Variants in DHRS12 observed in about 807,000 individuals in gnomAD.
DHRS12 encodes the protein dehydrogenase/reductase 12.
In DHRS12, 29 loss-of-function variants were observed where a neutral mutation model predicts 32.1. That is an observed-to-expected ratio of 0.90 (90% CI 0.67 to 1.23). The LOEUF is 1.23. Among genes scored for constraint, DHRS12 ranks in the 50% most tolerant of loss-of-function variants. The pLI is 0.00. For synonymous variants in DHRS12, 150 were observed against 135.9 expected (o/e 1.10, Z -0.72); for missense variants, 330 against 337.2 (o/e 0.98, Z 0.17).
intron 4 of DHRS12, among the ~76,000 whole-genome samples, chr13:51,780,760 C>T (rs899144421): frequency 5.3e-5 from 8 of 152,126 alleles, no homozygotes; most frequent in African/African-American, 1.2e-4. Context: ...TAGAGCACTG[C>T]GAAACCCATG....
intron 7 of DHRS12, 70 bp from the exon 8 acceptor site, chr13:51,769,363 TAAAAA>T (rs11374211): frequency 2.0e-6 from 2 of 1,013,678 alleles, no homozygotes; most frequent in Non-Finnish European, 2.7e-6. Flanking sequence ...TCCCTTAATT[TAAAAA>T]AAAAAAAAAG....
At chr13:51,768,662 C>A (rs886822662) in intron 8 of DHRS12, 12 of 1,134,298 alleles carry the variant, frequency 1.1e-5, no homozygotes, top group African/African-American at 1.6e-5. Flanking sequence ...AAGAGCCTGG[C>A]TTCCACCCGA....
chr13:51,756,706 C>T, the DHRS12 span: 1 of 943,950 alleles, frequency 1.1e-6, no homozygotes, highest in Non-Finnish European at 1.3e-6. Flanking sequence ...AGGTTATGTG[C>T]CTTTAAATTA....
At chr13:51,783,218 G>A (rs980625479) in intron 4 of DHRS12, among the ~76,000 whole-genome samples, 4 of 152,114 alleles carry the variant, frequency 2.6e-5, no homozygotes, top group Non-Finnish European at 5.9e-5. Flanking sequence ...CTCGCCTGGG[G>A]CCCTTCTAGT....
At chr13:51,769,846 T>C (rs1953932610) in intron 7 of DHRS12, among the ~76,000 whole-genome samples, 1 of 152,108 alleles carries the variant, frequency 6.6e-6, no homozygotes, top group Non-Finnish European at 1.5e-5. Flanking sequence ...TACAGGGAGG[T>C]GTTTGCCTGG....
At chr13:51,761,709 G>A in the DHRS12 span, 1 of 152,186 alleles carries the variant, frequency 6.6e-6, no homozygotes. Context: ...CTGCCCCTAC[G>A]TGTGTTTCCC....
chr13:51,795,035 C>T (rs1427301734), intron 2 of DHRS12, among the ~76,000 whole-genome samples: 2 of 152,106 alleles, frequency 1.3e-5, no homozygotes, highest in African/African-American at 4.8e-5. Flanking sequence ...ATCACCTCAG[C>T]ATGATATTCA....
chr13:51,781,378 T>A (rs1321890409), intron 4 of DHRS12, among the ~76,000 whole-genome samples: 2 of 152,226 alleles, frequency 1.3e-5, no homozygotes, highest in East Asian at 1.9e-4. Context: ...ACTGAACAAG[T>A]ATTTATCAAG....
intron 1 of DHRS12, among the ~76,000 whole-genome samples, chr13:51,800,219 G>A (rs1012725359): frequency 4.6e-5 from 7 of 152,224 alleles, no homozygotes; most frequent in Non-Finnish European, 8.8e-5. Flanking sequence ...AGTGCCATTC[G>A]GATCAGAATG....
chr13:51,771,206 ACCC>A lies in DHRS12; in HGVS notation c.559+612_559+614del, dbSNP rs1363693370. On this transcript the variant is annotated intron_variant, in intron 7 of 8. Transcript: ENST00000444610. ...GACCAGTTCTTGGCGCCGCGGGTGC[ACCC>A]TGGGGTGTGTGCTGTGGCTGCTGCT... The A allele has an allele frequency of 6.4e-6, 10 of 1,551,212 alleles. No individual in the cohort carries two copies. The African/African-American group carries it at 1.4e-4, about 21-fold the overall frequency.
chr13:51,798,761 A>C (rs1172170307), intron 2 of DHRS12, among the ~76,000 whole-genome samples: 1 of 152,256 alleles, frequency 6.6e-6, no homozygotes, highest in Non-Finnish European at 1.5e-5. Context: ...CATCTTAAAA[A>C]GTGATAAATT....
intron 1 of DHRS12, among the ~76,000 whole-genome samples, chr13:51,802,382 T>C (rs2139472856): frequency 6.6e-6 from 1 of 152,360 alleles, no homozygotes; most frequent in South Asian, 2.1e-4. Context: ...TGGTTTCATG[T>C]GCCTTGCCAG....
rs1954175360 is a variant in DHRS12, at chr13:51,773,910, A to G, written c.468+20T>C. 10 of 1,610,090 alleles carry G rather than the reference A, an allele frequency of 6.2e-6. No homozygotes were observed. Among genetic ancestry groups the G allele is most frequent in the Non-Finnish European group, 7.7e-6 (9 of 1,176,462 alleles). The stretch of plus-strand genomic sequence containing the variant: ...CAGCCCGTGGGTAAAATGCAGTCTC[A>G]GGAAACCCACCTCACTGACCTTGTT... On this transcript the variant is annotated intron_variant, in intron 6 of 8. Transcript: ENST00000444610.
At chr13:51,770,490 C>T (rs1292468702) in intron 7 of DHRS12, among the ~76,000 whole-genome samples, 1 of 152,202 alleles carries the variant, frequency 6.6e-6, no homozygotes, top group African/African-American at 2.4e-5. Flanking sequence ...CCCCCATGGC[C>T]TCCTAGAATT....
intron 8 of DHRS12, 115 bp downstream of exon 8, chr13:51,769,041 A>T: frequency 1.4e-6 from 2 of 1,469,030 alleles, no homozygotes; most frequent in Non-Finnish European, 1.8e-6. Flanking sequence ...AAGCCCAGGC[A>T]CCCCCCAGGG....
the DHRS12 span, chr13:51,758,197 C>T: frequency 6.4e-7 from 1 of 1,570,590 alleles, no homozygotes; most frequent in Non-Finnish European, 8.7e-7. Flanking sequence ...TCTAGACGTG[C>T]ACCCACAGCC....
chr13:51,778,770 G>A (rs1158085391), intron 4 of DHRS12, among the ~76,000 whole-genome samples: 1 of 152,052 alleles, frequency 6.6e-6, no homozygotes, highest in Non-Finnish European at 1.5e-5. Context: ...AGGGCTGGCT[G>A]GGTCGCTTGT....
At chr13:51,787,208 T>C (rs1232704493) in intron 4 of DHRS12, among the ~76,000 whole-genome samples, 1 of 152,162 alleles carries the variant, frequency 6.6e-6, no homozygotes, top group Non-Finnish European at 1.5e-5. Flanking sequence ...AAGGAAGAGA[T>C]AGCAAGGTCT....
chr13:51,756,336 A>G, the DHRS12 span: 4 of 1,613,466 alleles, frequency 2.5e-6, no homozygotes, highest in Non-Finnish European at 3.4e-6. Context: ...CTCCAGCACC[A>G]CTGCCGCAAG....
Sources: gnomAD v4.1 joint callset for allele counts (sites outside exome capture counted in the v4.1 genomes callset) on GRCh38, gnomAD v4.1.1 for gene constraint, MANE v1.5 for transcripts, NCBI Gene and HGNC (gene_info 2026-07-23, HGNC 2026-07-21) for gene names.